The following LMCD1 variants were observed in gnomAD, a reference collection of about 807,000 sequenced individuals.
The protein encoded by LMCD1 is LIM and cysteine-rich domains protein 1.
LMCD1 carries 32 observed loss-of-function variants against 42.7 expected under a neutral mutation model. The observed-to-expected ratio is 0.75, with a 90% CI of 0.57 to 1.01. The LOEUF is 1.01. LMCD1 is among the 50% of genes least tolerant of loss of function. The probability of loss-of-function intolerance (pLI) is 0.00; values close to 1 mark genes in which losing one functional copy is unlikely to be tolerated. For synonymous variants in LMCD1, 178 were observed against 184.9 expected, an observed-to-expected ratio of 0.96 and a Z score of 0.30; for missense variants, 458 against 483.1, an observed-to-expected ratio of 0.95 and a Z score of 0.49.
intron 1 of LMCD1, among the ~76,000 whole-genome samples, chr3:8,511,896 A>C (rs1346817894): frequency 1.3e-5 from 2 of 152,286 alleles, no homozygotes; most frequent in African/African-American, 4.8e-5. Context: ...CCTGCAATGG[A>C]GTTCCAGCAA....
chr3:8,512,920 C>CTATG (rs1008307397), intron 1 of LMCD1, among the ~76,000 whole-genome samples: 8 of 152,276 alleles, frequency 5.3e-5, no homozygotes, highest in Non-Finnish European at 8.8e-5. Flanking sequence ...ATTCAAGGTA[C>CTATG]TATGGCCTTT....
At chr3:8,517,762 G>C (rs1694125514) in intron 1 of LMCD1, among the ~76,000 whole-genome samples, 1 of 152,144 alleles carries the variant, frequency 6.6e-6, no homozygotes, top group South Asian at 2.1e-4. Context: ...TACCTAGCTA[G>C]AATTTAATGA....
At chr3:8,556,612 G>A (rs1694936705) in intron 4 of LMCD1, among the ~76,000 whole-genome samples, 2 of 152,122 alleles carry the variant, frequency 1.3e-5, no homozygotes. Flanking sequence ...TCCCATCTCT[G>A]GAGCACCCAC....
intron 3 of LMCD1, among the ~76,000 whole-genome samples, chr3:8,538,981 G>A (rs1455485576): frequency 2.0e-5 from 3 of 152,202 alleles, no homozygotes; most frequent in Non-Finnish European, 4.4e-5. Flanking sequence ...GAGAAATTGA[G>A]AATATATGTT....
chr3:8,533,545 C>T (rs1415920166), intron 2 of LMCD1, among the ~76,000 whole-genome samples: 1 of 152,136 alleles, frequency 6.6e-6, no homozygotes, highest in African/African-American at 2.4e-5. Context: ...GAGTTTTTAT[C>T]ACCACTGCTG....
intron 1 of LMCD1, among the ~76,000 whole-genome samples, chr3:8,519,084 A>G (rs1694152651): frequency 6.6e-6 from 1 of 152,192 alleles, no homozygotes; most frequent in East Asian, 1.9e-4. Flanking sequence ...TATTCTAGAC[A>G]CTGGTAATAG....
intron 4 of LMCD1, chr3:8,550,660 A>G (rs1479360109): frequency 1.2e-5 from 12 of 985,028 alleles, no homozygotes; most frequent in Non-Finnish European, 1.2e-6. Context: ...CTCAGGAAGA[A>G]TACATGTCCT....
intron 1 of LMCD1, among the ~76,000 whole-genome samples, chr3:8,517,146 C>T (rs1483340363): frequency 6.6e-6 from 1 of 152,148 alleles, no homozygotes; most frequent in Non-Finnish European, 1.5e-5. Flanking sequence ...TGGGAGGATC[C>T]CTTGTATGAA....
intron 4 of LMCD1, among the ~76,000 whole-genome samples, chr3:8,553,100 A>T (rs189850773): frequency 5.1e-4 from 78 of 152,288 alleles, no homozygotes; most frequent in East Asian, 7.7e-4. Context: ...GCACAGGTGC[A>T]GAATCTACCA....
At chr3:8,557,903 C>G (rs1253968350) in intron 4 of LMCD1, among the ~76,000 whole-genome samples, 1 of 152,158 alleles carries the variant, frequency 6.6e-6, no homozygotes, top group African/African-American at 2.4e-5. Flanking sequence ...CTCGTTCACT[C>G]ATGTGCTTGA....
chr3:8,516,365 T>A (rs1197384017), intron 1 of LMCD1, among the ~76,000 whole-genome samples: 2 of 152,192 alleles, frequency 1.3e-5, no homozygotes, highest in Admixed American at 6.5e-5. Context: ...CTATCTACTT[T>A]AAGTTTCTAG....
intron 1 of LMCD1, among the ~76,000 whole-genome samples, chr3:8,510,234 C>T (rs1693970287): frequency 6.6e-6 from 1 of 152,122 alleles, no homozygotes; most frequent in Non-Finnish European, 1.5e-5. Flanking sequence ...CAAAGTAGAT[C>T]CCAGCTCTGC....
At chr3:8,547,755 G>A (rs1004773663) in intron 3 of LMCD1, among the ~76,000 whole-genome samples, 2 of 92,478 alleles carry the variant, frequency 2.2e-5, no homozygotes, top group African/African-American at 8.4e-5. Context: ...TAGCAGTGGC[G>A]GGCACCTGTA....
intron 1 of LMCD1, among the ~76,000 whole-genome samples, chr3:8,530,411 T>C (rs1314255656): frequency 6.6e-6 from 1 of 152,250 alleles, no homozygotes; most frequent in Non-Finnish European, 1.5e-5. Flanking sequence ...TCTGCTCTGC[T>C]GTGCTACCTA....
intron 4 of LMCD1, among the ~76,000 whole-genome samples, chr3:8,559,873 ACT>A (rs141030862): frequency 6.6e-4 from 100 of 152,332 alleles, no homozygotes; most frequent in Non-Finnish European, 3.8e-4. Context: ...TGATAATGAT[ACT>A]GTTTGCTTAA....
intron 1 of LMCD1, among the ~76,000 whole-genome samples, chr3:8,526,371 G>T (rs1694300250): frequency 6.6e-6 from 1 of 152,170 alleles, no homozygotes; most frequent in South Asian, 2.1e-4. Context: ...CTAAGCTCTA[G>T]CACTTTAATT....
chr3:8,557,757 A>G (rs1559357098), intron 4 of LMCD1, among the ~76,000 whole-genome samples: 1 of 152,364 alleles, frequency 6.6e-6, no homozygotes, highest in Non-Finnish European at 1.5e-5. Context: ...AAAGCATCCC[A>G]AGGCATATGG....
chr3:8,516,184 T>G (rs1410419117), intron 1 of LMCD1, among the ~76,000 whole-genome samples: 1 of 152,064 alleles, frequency 6.6e-6, no homozygotes, highest in Non-Finnish European at 1.5e-5. Context: ...TGGCTGGACA[T>G]CTCTTGAGAA....
chr3:8,527,772 C>T (rs1694327388), intron 1 of LMCD1, among the ~76,000 whole-genome samples: 1 of 152,126 alleles, frequency 6.6e-6, no homozygotes, highest in Non-Finnish European at 1.5e-5. Flanking sequence ...TACTAAGATA[C>T]CACTTTCAAA....
Sources: gnomAD v4.1 joint callset for allele counts (sites outside exome capture counted in the v4.1 genomes callset) on GRCh38, gnomAD v4.1.1 for gene constraint, MANE v1.5 for transcripts, NCBI Gene and HGNC (gene_info 2026-07-23, HGNC 2026-07-21) for gene names.